GCA: variants seen among roughly 807,000 people sequenced by gnomAD.
GCA encodes the protein grancalcin, also known as grancalcin, EF-hand calcium-binding protein.
Under a neutral mutation model 32.6 loss-of-function variants are expected in GCA, and 30 were observed. The observed-to-expected ratio is 0.92, with a 90% confidence interval of 0.69 to 1.25. The LOEUF is 1.25. Ranked by LOEUF, GCA falls within the 50% of genes most tolerant of loss-of-function variation. The pLI, the probability that GCA is intolerant of heterozygous loss-of-function variation, is 0.00. For synonymous variants in GCA, 102 were observed against 84.6 expected, an observed-to-expected ratio of 1.21 and a Z score of -1.13; for missense variants, 291 against 266.8, an observed-to-expected ratio of 1.09 and a Z score of -0.63.
chr2:162,333,218 A>T (rs2105278520), intron 1 of GCA, among the ~76,000 whole-genome samples: 1 of 152,206 alleles, frequency 6.6e-6, no homozygotes, highest in East Asian at 1.9e-4. Flanking sequence ...AAGGGACTTC[A>T]ATTATATTAT....
chr2:162,320,401 C>CA (rs1043179564), intron 1 of GCA, among the ~76,000 whole-genome samples: 10 of 152,204 alleles, frequency 6.6e-5, no homozygotes, highest in Non-Finnish European at 7.3e-5. Context: ...CCCCAGCTGC[C>CA]AGTGGGTTTT....
intron 1 of GCA, among the ~76,000 whole-genome samples, chr2:162,329,221 G>A (rs1278604246): frequency 6.6e-6 from 1 of 152,184 alleles, no homozygotes; most frequent in Non-Finnish European, 1.5e-5. Flanking sequence ...GCCCTAGCTA[G>A]GGATCATGCC....
chr2:162,320,421 G>A (rs1161373712), intron 1 of GCA, among the ~76,000 whole-genome samples: 1 of 152,190 alleles, frequency 6.6e-6, no homozygotes, highest in Non-Finnish European at 1.5e-5. Flanking sequence ...TATTCAACAT[G>A]TTAAAGCACA....
intron 4 of GCA, among the ~76,000 whole-genome samples, chr2:162,370,522 T>C (rs1350995486): frequency 6.6e-6 from 1 of 152,118 alleles, no homozygotes; most frequent in East Asian, 1.9e-4. Context: ...TGTTCTGATA[T>C]TCTGAGGTCA....
intron 1 of GCA, among the ~76,000 whole-genome samples, chr2:162,344,775 G>C (rs1684599743): frequency 6.6e-6 from 1 of 152,110 alleles, no homozygotes; most frequent in African/African-American, 2.4e-5. Flanking sequence ...GCCCCCAGGC[G>C]GGGGGAAGTT....
chr2:162,360,134 A>C (rs1685500213), intron 7 of GCA, 83 bp from the exon 8 acceptor site: 2 of 837,922 alleles, frequency 2.4e-6, no homozygotes, highest in African/African-American at 3.6e-5. Context: ...CTCTTAAGAA[A>C]ATGCTCTTAT....
upstream of GCA, among the ~76,000 whole-genome samples, chr2:162,340,092 G>A (rs1173774777): frequency 6.6e-6 from 1 of 152,070 alleles, no homozygotes; most frequent in African/African-American, 2.4e-5. Flanking sequence ...TCAGCAATTT[G>A]TTAGGGCCAT....
intron 1 of GCA, among the ~76,000 whole-genome samples, chr2:162,331,891 G>A (rs891097371): frequency 6.6e-6 from 1 of 152,122 alleles, no homozygotes; most frequent in Non-Finnish European, 1.5e-5. Flanking sequence ...GATATAAGTG[G>A]ACACATATTT....
chr2:162,322,414 T>C (rs1683705102), intron 1 of GCA, among the ~76,000 whole-genome samples: 2 of 128,688 alleles, frequency 1.6e-5, no homozygotes, highest in East Asian at 1.9e-4. Context: ...TATTTATTTA[T>C]TTATTATTAT....
At chr2:162,322,423 A>ATTT (rs1385105716) in intron 1 of GCA, among the ~76,000 whole-genome samples, 1 of 146,958 alleles carries the variant, frequency 6.8e-6, no homozygotes, top group Non-Finnish European at 1.5e-5. Context: ...ATTTATTATT[A>ATTT]TACTTTAAGT....
Position 162,363,092 on chromosome 2 carries a change from G to C in GCA, c.*2849G>C, listed in dbSNP as rs1685643426. On this transcript the variant is annotated 3_prime_UTR_variant, in exon 8 of 8. Transcript: ENST00000437150. ...TGTAATCTTATGGCATTACTAAACT[G>C]GACAAACAAAATAAATACTCTTTGT... 6.6e-6 allele frequency among the ~76,000 whole-genome samples: 1 copy of C among 151,216 alleles called. No homozygotes were observed. Among genetic ancestry groups the C allele is most frequent in the Non-Finnish European group, 1.5e-5 (1 of 67,474 alleles).
chr2:162,373,438 G>A (rs1179645513), downstream of GCA: 4 of 1,420,796 alleles, frequency 2.8e-6, no homozygotes, highest in Admixed American at 9.8e-5. Context: ...CACTGTGAGA[G>A]ACACTCTTGG....
rs904134185 is a variant in GCA, at chr2:162,359,050, G to A, written c.461G>A (p.Arg154Lys). The change falls in exon 6 of 8, where the codon AGG becomes AAG. Residue 154 changes from arginine (R) to lysine (K), a missense_variant. Physicochemically the swap from Arg to Lys is conservative, Grantham distance 26. Coordinates refer to ENST00000437150, the MANE Select transcript of GCA (RefSeq NM_012198.5). ...LRQAIGLMGYRLSPQTLTTIV... is the reference protein window; with the variant it reads ...LRQAIGLMGYKLSPQTLTTIV... The stretch of plus-strand genomic sequence containing the variant: ...TAATTTATCTCTTTTTTAGGTTATA[G>A]GTTGAGTCCTCAAACATTAACTACT... The A allele has an allele frequency of 4.0e-6, 6 of 1,509,770 alleles. No individual in the cohort carries two copies. The highest frequency in any genetic ancestry group is 1.4e-5 in the African/African-American group (1 of 72,454). The allele number at this position is 1,509,770 out of a possible 1,614,324, so 93.5% of individuals were successfully genotyped here.
chr2:162,359,649 A>C, intron 7 of GCA, 97 bp downstream of exon 7: 1 of 565,260 alleles, frequency 1.8e-6, no homozygotes, highest in Non-Finnish European at 3.2e-6. Context: ...TGGAAATAAT[A>C]TATTTGGTAT....
chr2:162,336,751 T>C (rs1464234250), intron 1 of GCA, among the ~76,000 whole-genome samples: 2 of 152,240 alleles, frequency 1.3e-5, no homozygotes, highest in Non-Finnish European at 1.5e-5. Flanking sequence ...ATATGTACTT[T>C]ACAATTTATC....
chr2:162,372,656 T>C (rs1416980994), downstream of GCA, among the ~76,000 whole-genome samples: 4 of 152,180 alleles, frequency 2.6e-5, no homozygotes, highest in African/African-American at 9.6e-5. Flanking sequence ...CTTATTAGTG[T>C]AATTTCATTT....
At chr2:162,367,452 C>T (rs551946467), downstream of GCA, among the ~76,000 whole-genome samples, 1 of 152,042 alleles carries the variant, frequency 6.6e-6, no homozygotes, top group African/African-American at 2.4e-5. Flanking sequence ...AGTGAGCCAG[C>T]CTTTATAGAA....
intron 1 of GCA, among the ~76,000 whole-genome samples, chr2:162,321,054 G>C (rs1683643180): frequency 6.6e-6 from 1 of 152,134 alleles, no homozygotes; most frequent in African/African-American, 2.4e-5. Flanking sequence ...GGGTGGAAGG[G>C]ACTTCTTTTT....
At chr2:162,329,860 G>A (rs2105270532) in intron 1 of GCA, among the ~76,000 whole-genome samples, 1 of 152,104 alleles carries the variant, frequency 6.6e-6, no homozygotes, top group South Asian at 2.1e-4. Flanking sequence ...GTAGGCCACA[G>A]CGTGTGTCGT....
Sources: allele counts gnomAD v4.1 joint callset (sites outside exome capture counted in the v4.1 genomes callset), GRCh38; gene constraint gnomAD v4.1.1; transcripts MANE v1.5; gene names NCBI Gene and HGNC (gene_info 2026-07-23, HGNC 2026-07-21).